GLIS3: variants seen among roughly 807,000 people sequenced by gnomAD.
GLIS3 encodes GLIS family zinc finger 3.
A neutral mutation model predicts 78.6 loss-of-function variants in GLIS3; 53 were observed. The ratio of observed to expected loss-of-function variants is 0.67; its 90% CI spans 0.54 to 0.85. The LOEUF (loss-of-function observed/expected upper bound fraction) is 0.85. GLIS3 is among the 40% of genes least tolerant of loss of function. The pLI is 0.00. For missense variants in GLIS3, 1,703 were observed against 1,231.1 expected, an observed-to-expected ratio of 1.38 and a Z score of -5.74; for synonymous variants, 684 against 509.9, an observed-to-expected ratio of 1.34 and a Z score of -4.60.
chr9:4,084,115 T>C (rs1411330702), intron 4 of GLIS3, among the ~76,000 whole-genome samples: 2 of 152,206 alleles, frequency 1.3e-5, no homozygotes, highest in East Asian at 1.9e-4. Context: ...AAGCCCATTC[T>C]GTGTTTCTGG....
the GLIS3 span, among the ~76,000 whole-genome samples, chr9:4,482,012 G>A: frequency 6.6e-6 from 1 of 152,294 alleles, no homozygotes; most frequent in Non-Finnish European, 1.5e-5. Context: ...GTTTAAACTT[G>A]TATTTAGTTC....
At chr9:3,904,342 G>T (rs1223541086) in intron 6 of GLIS3, among the ~76,000 whole-genome samples, 6 of 152,184 alleles carry the variant, frequency 3.9e-5, no homozygotes, top group Admixed American at 1.3e-4. Flanking sequence ...ACTAAAAAAA[G>T]AATAAATTCT....
At chr9:4,250,059 G>A (rs1468167279) in intron 2 of GLIS3, among the ~76,000 whole-genome samples, 1 of 152,170 alleles carries the variant, frequency 6.6e-6, no homozygotes, top group African/African-American at 2.4e-5. Context: ...ATGTTCATCA[G>A]GGATATTGGC....
intron 2 of GLIS3, among the ~76,000 whole-genome samples, chr9:4,321,292 G>C (rs1382192211): frequency 7.7e-6 from 1 of 129,906 alleles, no homozygotes; most frequent in Non-Finnish European, 1.5e-5. Context: ...AGTGGTGGCG[G>C]GCGCCTGTAG....
chr9:3,913,975 T>G (rs1824320086), intron 6 of GLIS3, among the ~76,000 whole-genome samples: 1 of 152,158 alleles, frequency 6.6e-6, no homozygotes, highest in Non-Finnish European at 1.5e-5. Context: ...TGCTTAACCT[T>G]TGGGGTAGGC....
intron 1 of GLIS3, among the ~76,000 whole-genome samples, chr9:4,288,123 G>T (rs1040897972): frequency 6.6e-6 from 1 of 152,080 alleles, no homozygotes; most frequent in Non-Finnish European, 1.5e-5. Flanking sequence ...TGCTTTTTAT[G>T]GTACATTTAT....
In GLIS3 at chr9:3,902,042, G is replaced by T. The variant is rs182229364; in HGVS notation, c.1984-3207C>A. On this transcript the variant is annotated intron_variant, in intron 6 of 10. Coordinates refer to ENST00000381971, the MANE Select transcript of GLIS3 (RefSeq NM_001042413.2). Reference sequence around the variant, plus strand: ...TTTTATAGTTACCCGTACCAACGAGGTCTTTGCAAGGAATTTCACGGCTAG... The same window carrying T: ...TTTTATAGTTACCCGTACCAACGAGTTCTTTGCAAGGAATTTCACGGCTAG... Among the ~76,000 whole-genome samples, 9 of 152,280 alleles carry T rather than the reference G, an allele frequency of 5.9e-5. No homozygotes were observed. In the East Asian group the frequency reaches 1.4e-3, roughly 23 times the overall value.
intron 4 of GLIS3, among the ~76,000 whole-genome samples, chr9:4,061,031 T>C (rs1826603763): frequency 6.6e-6 from 1 of 152,042 alleles, no homozygotes; most frequent in African/African-American, 2.4e-5. Context: ...GTTACACTTC[T>C]GCATCATCTG....
intron 2 of GLIS3, among the ~76,000 whole-genome samples, chr9:4,163,086 C>T (rs1835624461): frequency 1.3e-5 from 2 of 152,196 alleles, no homozygotes; most frequent in African/African-American, 2.4e-5. Context: ...ACATGTTATA[C>T]ATCACCTCCA....
chr9:4,186,797 CTTT>C (rs1277195166), intron 2 of GLIS3, among the ~76,000 whole-genome samples: 2 of 152,222 alleles, frequency 1.3e-5, no homozygotes, highest in Non-Finnish European at 2.9e-5. Context: ...TAAATGTCTT[CTTT>C]TGAGAAGTGT....
chr9:4,364,755 G>GTTTTTTTTTT, the GLIS3 span, among the ~76,000 whole-genome samples: 1 of 15,482 alleles, frequency 6.5e-5, no homozygotes, highest in Non-Finnish European at 1.5e-4. Context: ...ATCATGTATT[G>GTTTTTTTTTT]CTTTTTTTTT....
intron 4 of GLIS3, among the ~76,000 whole-genome samples, chr9:4,090,632 G>A (rs1293399627): frequency 6.6e-6 from 1 of 152,162 alleles, no homozygotes; most frequent in African/African-American, 2.4e-5. Flanking sequence ...AAGGACACTG[G>A]AATCAGACAG....
chr9:4,226,973 G>C (rs1394026449), intron 2 of GLIS3, among the ~76,000 whole-genome samples: 1 of 152,186 alleles, frequency 6.6e-6, no homozygotes, highest in African/African-American at 2.4e-5. Flanking sequence ...GCCATATAGA[G>C]ATAAATCTGG....
chr9:4,353,434 T>C, the GLIS3 span, among the ~76,000 whole-genome samples: 2 of 152,174 alleles, frequency 1.3e-5, no homozygotes, highest in African/African-American at 4.8e-5. Flanking sequence ...CTCAAGTCCA[T>C]TGAGCCTCAG....
the GLIS3 span, among the ~76,000 whole-genome samples, chr9:4,368,093 G>A: frequency 3.3e-3 from 506 of 152,278 alleles, 8 homozygotes; most frequent in Admixed American, 0.029. Context: ...GTCAATGAAC[G>A]TATCACATGG....
Position 3,875,003 on chromosome 9 carries a change from GCAAACA to G in GLIS3, c.2297+4418_2297+4423del, listed in dbSNP as rs1052938649. Among the ~76,000 whole-genome samples, 15 of 152,194 alleles carry G rather than the reference GCAAACA, an allele frequency of 9.9e-5. 1 individual carries two copies. Among genetic ancestry groups the G allele is most frequent in the African/African-American group, 3.1e-4 (13 of 41,536 alleles). On this transcript the variant is annotated intron_variant, in intron 8 of 10. Transcript: ENST00000381971. ...GCTGACATTCTCTTGTAAAAGATGA[GCAAACA>G]CAAACTCAGAGGATTTATTCTTGGA...
chr9:4,048,228 T>C (rs1825415504), intron 4 of GLIS3, among the ~76,000 whole-genome samples: 1 of 152,180 alleles, frequency 6.6e-6, no homozygotes, highest in South Asian at 2.1e-4. Context: ...TAATGCAACA[T>C]TTAAATGAAA....
intron 2 of GLIS3, among the ~76,000 whole-genome samples, chr9:4,133,472 G>A (rs1037967630): frequency 6.6e-6 from 1 of 152,154 alleles, no homozygotes; most frequent in African/African-American, 2.4e-5. Flanking sequence ...GGAAAAGATG[G>A]TGGAAGGAAA....
rs552200470 is a variant in GLIS3, at chr9:3,991,915, C to T, written c.1711-54726G>A. ...CCGTATTGGCCAGGACAGTCTTGAT[C>T]TCCTGACTTCGTGATCCGCCCGCCT... On this transcript the variant is annotated intron_variant, in intron 4 of 10. Coordinates refer to ENST00000381971, the MANE Select transcript of GLIS3 (RefSeq NM_001042413.2). 5.9e-5 allele frequency among the ~76,000 whole-genome samples: 9 copies of T among 152,214 alleles called. No homozygotes were observed. The East Asian group carries it at 1.5e-3, about 26-fold the overall frequency.
Sources: gnomAD v4.1 joint callset for allele counts (sites outside exome capture counted in the v4.1 genomes callset) on GRCh38, gnomAD v4.1.1 for gene constraint, MANE v1.5 for transcripts, NCBI Gene and HGNC (gene_info 2026-07-23, HGNC 2026-07-21) for gene names.